Variants in RANBP2 observed in about 807,000 individuals in gnomAD.
RANBP2 encodes the protein RAN binding protein 2, also known as E3 SUMO-protein ligase RanBP2.
RANBP2 carries 57 observed loss-of-function variants against 303.6 expected under a neutral mutation model. The observed-to-expected ratio is 0.19, with a 90% confidence interval of 0.15 to 0.23. The LOEUF is 0.23. RANBP2 is among the 10% of genes least tolerant of loss of function. The pLI is 1.00. For synonymous variants in RANBP2, 1,167 were observed against 1,301.5 expected (o/e 0.90, Z 2.23); for missense variants, 3,138 against 3,780.8 (o/e 0.83, Z 4.46).
chr2:109,466,373 C>G, the RANBP2 span, among the ~76,000 whole-genome samples: 1 of 152,076 alleles, frequency 6.6e-6, no homozygotes, highest in African/African-American at 2.4e-5. Context: ...GAGTCCTGCG[C>G]CCAGCCTGTA....
At chr2:108,754,071 A>G (rs1676115872) in intron 15 of RANBP2, 100 bp downstream of exon 15, 3 of 1,608,026 alleles carry the variant, frequency 1.9e-6, no homozygotes, top group South Asian at 2.2e-5. Flanking sequence ...ATACTCAGTA[A>G]TATGTTGTTA....
chr2:109,733,898 G>A, the RANBP2 span, among the ~76,000 whole-genome samples: 2 of 151,598 alleles, frequency 1.3e-5, no homozygotes, highest in African/African-American at 2.4e-5. Flanking sequence ...TCGGCCGGGC[G>A]CAGTGTCTCA....
the RANBP2 span, among the ~76,000 whole-genome samples, chr2:109,186,115 C>T: frequency 1.3e-5 from 2 of 152,232 alleles, no homozygotes; most frequent in Non-Finnish European, 2.9e-5. Context: ...AGAGGGCAGG[C>T]CCTGTCTCTG....
the RANBP2 span, among the ~76,000 whole-genome samples, chr2:108,887,572 C>T: frequency 4.7e-3 from 721 of 152,052 alleles, 7 homozygotes; most frequent in South Asian, 0.023. Context: ...TATAGTTTTC[C>T]TTATAGAGAT....
At chr2:109,259,133 A>G in the RANBP2 span, among the ~76,000 whole-genome samples, 28 of 152,270 alleles carry the variant, frequency 1.8e-4, no homozygotes, top group Non-Finnish European at 3.5e-4. Flanking sequence ...AATAGCTGCA[A>G]CATGCCACGC....
chr2:109,731,094 C>A, the RANBP2 span, among the ~76,000 whole-genome samples: 1 of 151,868 alleles, frequency 6.6e-6, no homozygotes, highest in Admixed American at 6.6e-5. Context: ...GGCCAAGGGG[C>A]CTCTTTTATA....
the RANBP2 span, among the ~76,000 whole-genome samples, chr2:108,872,700 C>T: frequency 3.3e-5 from 5 of 152,058 alleles, no homozygotes; most frequent in East Asian, 5.8e-4. Flanking sequence ...TCACACATGG[C>T]GGTGGAGCCT....
chr2:109,423,971 C>G, the RANBP2 span, among the ~76,000 whole-genome samples: 82,149 of 152,012 alleles, frequency 0.54, 22,475 homozygotes, highest in African/African-American at 0.6. Flanking sequence ...ATGACATAGA[C>G]CCTGGCGGGC....
chr2:109,160,444 G>A, the RANBP2 span, among the ~76,000 whole-genome samples: 2 of 152,244 alleles, frequency 1.3e-5, no homozygotes, highest in Non-Finnish European at 2.9e-5. Context: ...GTGCTTTCCA[G>A]CAACAGGGTG....
the RANBP2 span, among the ~76,000 whole-genome samples, chr2:109,055,709 C>T: frequency 1.4e-5 from 2 of 147,528 alleles, no homozygotes; most frequent in African/African-American, 5.0e-5. Context: ...TACAAGTCTT[C>T]CTGGTATCTG....
chr2:108,920,237 T>C, the RANBP2 span, among the ~76,000 whole-genome samples: 1 of 152,218 alleles, frequency 6.6e-6, no homozygotes, highest in Non-Finnish European at 1.5e-5. Context: ...TCCACATGCA[T>C]CGCCCACGTC....
chr2:108,824,185 A>C, the RANBP2 span, among the ~76,000 whole-genome samples: 3 of 152,142 alleles, frequency 2.0e-5, no homozygotes, highest in Non-Finnish European at 2.9e-5. Flanking sequence ...TTCTTCATTA[A>C]CAAATTAAGC....
At chr2:109,503,496 A>G in the RANBP2 span, 1 of 152,214 alleles carries the variant, frequency 6.6e-6, no homozygotes, top group African/African-American at 2.4e-5. Flanking sequence ...GTTCAGAATC[A>G]AAGAAGAAAA....
At chr2:109,634,871 G>T in the RANBP2 span, among the ~76,000 whole-genome samples, 5 of 152,108 alleles carry the variant, frequency 3.3e-5, no homozygotes, top group African/African-American at 9.7e-5. Context: ...GAAATAAAAG[G>T]ACGAGTAAAC....
the RANBP2 span, among the ~76,000 whole-genome samples, chr2:109,629,971 G>A: frequency 6.6e-6 from 1 of 152,142 alleles, no homozygotes; most frequent in Admixed American, 6.5e-5. Context: ...CCCAGGCTCT[G>A]CCCTGAAGGG....
chr2:108,825,908 T>C, the RANBP2 span, among the ~76,000 whole-genome samples: 2 of 152,220 alleles, frequency 1.3e-5, no homozygotes, highest in Non-Finnish European at 2.9e-5. Flanking sequence ...TCGATTTCTT[T>C]ATATCATGGT....
the RANBP2 span, among the ~76,000 whole-genome samples, chr2:109,082,671 C>G: frequency 2.0e-5 from 3 of 152,082 alleles, no homozygotes; most frequent in Admixed American, 6.5e-5. Flanking sequence ...CCATTTTGAG[C>G]GGGCACAGTG....
At chr2:109,063,788 C>A in the RANBP2 span, among the ~76,000 whole-genome samples, 7 of 149,826 alleles carry the variant, frequency 4.7e-5, no homozygotes, top group Middle Eastern at 0.017. Flanking sequence ...AAAGGGGTAA[C>A]TGCAAGTAAT....
chr2:108,789,787 T>C (rs1214732641), downstream of RANBP2, among the ~76,000 whole-genome samples: 1 of 152,200 alleles, frequency 6.6e-6, no homozygotes, highest in Non-Finnish European at 1.5e-5. Flanking sequence ...GTTGCCGTTC[T>C]GTAAGGAAGA....
Sources: allele counts gnomAD v4.1 joint callset (sites outside exome capture counted in the v4.1 genomes callset), GRCh38; gene constraint gnomAD v4.1.1; transcripts MANE v1.5; gene names NCBI Gene and HGNC (gene_info 2026-07-23, HGNC 2026-07-21).